FRRS1L: variants seen among roughly 807,000 people sequenced by gnomAD.
FRRS1L encodes the protein DOMON domain-containing protein FRRS1L.
Under a neutral mutation model 28.6 loss-of-function variants are expected in FRRS1L, and 22 were observed. The ratio of observed to expected loss-of-function variants is 0.77; its 90% CI spans 0.55 to 1.10. FRRS1L has a LOEUF of 1.10. FRRS1L is among the 50% of genes least tolerant of loss of function. FRRS1L has a pLI of 0.00. For synonymous variants in FRRS1L, 158 were observed against 151.4 expected (o/e 1.04, Z -0.32); for missense variants, 380 against 386.9 (o/e 0.98, Z 0.15).
chr9:109,141,388 G>A lies in FRRS1L; in HGVS notation c.664C>T (p.His222Tyr), dbSNP rs1309072219. ...VPRDETIVDL[H>Y]LSWYYLFAWG... ...GCAAACAGATAATACCAACTCAAAT[G>A]CAGATCAACAATTGTTTCATCTCTG... Residue 222 changes from histidine (H) to tyrosine (Y), a missense_variant, in exon 4 of 5, where the codon CAT becomes TAT. Coordinates refer to ENST00000561981, the MANE Select transcript of FRRS1L (RefSeq NM_014334.4). 1.2e-6 allele frequency: 2 copies of A among 1,613,936 alleles called. No individual in the cohort carries two copies. Among genetic ancestry groups the A allele is most frequent in the African/African-American group, 2.7e-5 (2 of 74,904 alleles).
intron 1 of FRRS1L, chr9:109,152,060 C>A (rs1335381163): frequency 6.6e-6 from 1 of 152,238 alleles, no homozygotes; most frequent in East Asian, 1.9e-4. Flanking sequence ...AACATATCAT[C>A]CTCACTACTT....
chr9:109,166,728 G>A (rs1309664148), intron 1 of FRRS1L, among the ~76,000 whole-genome samples, 173 bp downstream of exon 1: 2 of 151,822 alleles, frequency 1.3e-5, no homozygotes, highest in Non-Finnish European at 2.9e-5. Context: ...CCAGGCCGGC[G>A]GAGGCCTGGG....
At chr9:109,140,309 C>G (rs370412404) in intron 4 of FRRS1L, 1 of 152,136 alleles carries the variant, frequency 6.6e-6, no homozygotes, top group Non-Finnish European at 1.5e-5. Context: ...AAAAAGTTAG[C>G]CAGGCATAGT....
In FRRS1L at chr9:109,137,338, A is replaced by T; in HGVS notation, c.*117T>A. 1 of 586,854 alleles carries T rather than the reference A, an allele frequency of 1.7e-6. No homozygotes were observed. Among genetic ancestry groups the T allele is most frequent in the Non-Finnish European group, 2.7e-6 (1 of 372,198 alleles). The allele number at this position is 586,854 out of a possible 1,614,324, so 36.4% of individuals were successfully genotyped here. On this transcript the variant is annotated 3_prime_UTR_variant, in exon 5 of 5. Coordinates refer to ENST00000561981, the MANE Select transcript of FRRS1L (RefSeq NM_014334.4). ...TTCTTTCTTCCAAAAAGCTGAAATT[A>T]TATGAGGTTTTTTTTCTTAAATAAT...
In FRRS1L at chr9:109,134,069, G is replaced by C. The variant is rs773837868; in HGVS notation, c.*3386C>G. 39 of 152,270 alleles carry C rather than the reference G, an allele frequency of 2.6e-4. No individual in the cohort carries two copies. The highest frequency in any genetic ancestry group is 8.9e-4 in the African/African-American group (37 of 41,564). 9.4% of individuals were successfully genotyped at this position (152,270 alleles called of 1,614,324 possible). ...TATGTTTCAAAAGACAAAGTTCAGTGTTTGCTAACATAATTATTTATGGTT... is the reference window on the plus strand; with the variant it reads ...TATGTTTCAAAAGACAAAGTTCAGTCTTTGCTAACATAATTATTTATGGTT... On this transcript the variant is annotated 3_prime_UTR_variant, in exon 5 of 5. Coordinates refer to ENST00000561981, the MANE Select transcript of FRRS1L (RefSeq NM_014334.4).
chr9:109,132,132 C>T lies in FRRS1L; in HGVS notation c.*5323G>A, dbSNP rs1222586443. 6.6e-6 allele frequency: 1 copy of T among 152,134 alleles called. No homozygotes were observed. The highest frequency in any genetic ancestry group is 1.5e-5 in the Non-Finnish European group (1 of 68,084). The allele number at this position is 152,134 out of a possible 1,614,324, so 9.4% of individuals were successfully genotyped here. A position where few individuals can be genotyped will look rare whatever the true frequency, so the allele number is the denominator to read the frequency against. ...GGGACTACAGGCTCCCGCCACCACG[C>T]CCAGCTAATTTTTTTTGTATTTTTA... On this transcript the variant is annotated 3_prime_UTR_variant, in exon 5 of 5. Coordinates refer to ENST00000561981, the MANE Select transcript of FRRS1L (RefSeq NM_014334.4).
chr9:109,144,290 G>A (rs1588098154), intron 3 of FRRS1L, among the ~76,000 whole-genome samples: 2 of 152,266 alleles, frequency 1.3e-5, no homozygotes, highest in Middle Eastern at 6.8e-3. Context: ...ACCAGCCACT[G>A]CTTAGACTGC....
In FRRS1L at chr9:109,136,882, T is replaced by C. The variant is rs911324984; in HGVS notation, c.*573A>G. On this transcript the variant is annotated 3_prime_UTR_variant, in exon 5 of 5. Transcript: ENST00000561981. ...ATTGTATTTTCCTCCAATCTCCCCA[T>C]TGGCTGTGTAAATATCCAAAAGCAC... is the stretch of plus-strand genomic sequence containing the variant. 3 of 152,186 alleles carry C rather than the reference T, an allele frequency of 2.0e-5. No homozygotes were observed. The highest frequency in any genetic ancestry group is 6.5e-5 in the Admixed American group (1 of 15,272). 9.4% of individuals were successfully genotyped at this position (152,186 alleles called of 1,614,324 possible). A position where few individuals can be genotyped will look rare whatever the true frequency, so the allele number is the denominator to read the frequency against.
At position 109,135,048 on chromosome 9, in the gene FRRS1L, C is replaced by G. The variant is rs1237468896; in HGVS notation, c.*2407G>C. On this transcript the variant is annotated 3_prime_UTR_variant, in exon 5 of 5. Coordinates refer to ENST00000561981, the MANE Select transcript of FRRS1L (RefSeq NM_014334.4). ...ATCTGCAATGAACAGAATTTCTCCTCCATCCCTCCTTGGAAGCTTTTGGTA... is the reference window on the plus strand; with the variant it reads ...ATCTGCAATGAACAGAATTTCTCCTGCATCCCTCCTTGGAAGCTTTTGGTA... 1.3e-5 allele frequency: 2 copies of G among 152,216 alleles called. No individual in the cohort carries two copies. The highest frequency in any genetic ancestry group is 2.9e-5 in the Non-Finnish European group (2 of 68,044). The allele number at this position is 152,216 out of a possible 1,614,324, so 9.4% of individuals were successfully genotyped here. A position where few individuals can be genotyped will look rare whatever the true frequency, so the allele number is the denominator to read the frequency against.
chr9:109,162,928 C>T (rs1358432685), intron 1 of FRRS1L, among the ~76,000 whole-genome samples: 1 of 152,148 alleles, frequency 6.6e-6, no homozygotes, highest in Non-Finnish European at 1.5e-5. Context: ...AGTCAGATGA[C>T]TATGCCTTAA....
intron 1 of FRRS1L, among the ~76,000 whole-genome samples, chr9:109,158,112 T>C (rs57387569): frequency 0.22 from 33,422 of 152,158 alleles, 4,495 homozygotes; most frequent in Admixed American, 0.3. Flanking sequence ...CACTTGAGTG[T>C]CTGGTAGAAC....
chr9:109,149,422 C>A (rs1202781228), intron 2 of FRRS1L, among the ~76,000 whole-genome samples: 1 of 152,054 alleles, frequency 6.6e-6, no homozygotes, highest in Non-Finnish European at 1.5e-5. Context: ...TAGAAAAGAA[C>A]CATGGAAGAA....
chr9:109,164,587 G>A (rs926749523), intron 1 of FRRS1L, among the ~76,000 whole-genome samples: 5 of 151,536 alleles, frequency 3.3e-5, no homozygotes, highest in Admixed American at 6.6e-5. Flanking sequence ...TAGTAGAGAC[G>A]GGGTTTCACC....
rs184007328 is a variant in FRRS1L at position 109,156,232 on chromosome 9, G to A, written c.239-6512C>T. Among the ~76,000 whole-genome samples the A allele has an allele frequency of 7.9e-3, 1,203 of 152,180 alleles. 19 individuals carry two copies. The highest frequency in any genetic ancestry group is 0.028 in the African/African-American group (1,152 of 41,494). The stretch of plus-strand genomic sequence containing the variant: ...GTATTTTCACTCTTTCCCTTGATTG[G>A]TCATGCCAGAAATTTGTGTATCTTA... On this transcript the variant is annotated intron_variant, in intron 1 of 4. Coordinates refer to ENST00000561981, the MANE Select transcript of FRRS1L (RefSeq NM_014334.4).
chr9:109,130,388 C>G lies in FRRS1L; in HGVS notation c.*7067G>C, dbSNP rs1831044175. 6.6e-6 allele frequency: 1 copy of G among 152,158 alleles called. No homozygotes were observed. Among genetic ancestry groups the G allele is most frequent in the African/African-American group, 2.4e-5 (1 of 41,454 alleles). The allele number at this position is 152,158 out of a possible 1,614,324, so 9.4% of individuals were successfully genotyped here. ...AAAGTTTAAATCTAATTAATATATT[C>G]TGACTAACATAATCATCCAAAGATA... On this transcript the variant is annotated 3_prime_UTR_variant, in exon 5 of 5. Transcript: ENST00000561981.
Position 109,147,163 on chromosome 9 carries a change from T to G in FRRS1L, c.350A>C (p.Glu117Ala). ...FRYGKPGCNAETCDYFLSYRM... is the reference protein window; with the variant it reads ...FRYGKPGCNAATCDYFLSYRM... ...GTAGCTGAGGAAATAGTCACAGGTC[T>G]CTGCATTACAGCCTGGTTTGCCATA... Residue 117 changes from glutamate (E) to alanine (A), a missense_variant, in exon 3 of 5, where the codon GAG becomes GCG. Glu to Ala is a moderately radical substitution (Grantham distance 107). Coordinates refer to ENST00000561981, the MANE Select transcript of FRRS1L (RefSeq NM_014334.4). The G allele has an allele frequency of 1.2e-6, 2 of 1,613,740 alleles. No homozygotes were observed. The highest frequency in any genetic ancestry group is 2.7e-5 in the African/African-American group (2 of 75,054).
intron 1 of FRRS1L, chr9:109,150,761 G>A (rs1473396350): frequency 6.6e-6 from 1 of 152,178 alleles, no homozygotes; most frequent in East Asian, 1.9e-4. Context: ...TCCACTTTGT[G>A]AGAGAAATCT....
intron 1 of FRRS1L, among the ~76,000 whole-genome samples, chr9:109,154,119 A>G (rs1427899725): frequency 6.6e-6 from 1 of 152,224 alleles, no homozygotes; most frequent in East Asian, 1.9e-4. Context: ...AACCAACCTC[A>G]TCCCATGCTG....
intron 1 of FRRS1L, among the ~76,000 whole-genome samples, chr9:109,156,303 T>C (rs1042466208): frequency 2.0e-5 from 3 of 152,224 alleles, no homozygotes; most frequent in African/African-American, 7.2e-5. Flanking sequence ...TCATCACTCA[T>C]TTTCACATGT....
Sources: allele counts gnomAD v4.1 joint callset (sites outside exome capture counted in the v4.1 genomes callset), GRCh38; gene constraint gnomAD v4.1.1; transcripts MANE v1.5; gene names NCBI Gene and HGNC (gene_info 2026-07-23, HGNC 2026-07-21).